The following IFT122 variants were observed in gnomAD, a reference collection of about 807,000 sequenced individuals.
The protein encoded by IFT122 is intraflagellar transport protein 122 homolog.
In IFT122, 118 loss-of-function variants were observed where a neutral mutation model predicts 161.6. The ratio of observed to expected loss-of-function variants is 0.73; its 90% CI spans 0.63 to 0.85. The LOEUF is 0.85. Ranked by LOEUF, IFT122 falls within the 40% of genes least tolerant of loss-of-function variation. IFT122 has a pLI of 0.00. For synonymous variants in IFT122, 550 were observed against 602.4 expected, an observed-to-expected ratio of 0.91 and a Z score of 1.27; for missense variants, 1,381 against 1,579.6, an observed-to-expected ratio of 0.87 and a Z score of 2.13.
intron 3 of IFT122, among the ~76,000 whole-genome samples, chr3:129,454,513 TTGTGTGTGTGTGTGTGTG>T (rs61557048): frequency 2.3e-5 from 3 of 131,224 alleles, no homozygotes; most frequent in Non-Finnish European, 4.8e-5. Context: ...GTAGTCATAT[TTGTGTGTGTGTGTGTGTG>T]TGTGTGTGTG....
chr3:129,455,300 G>A (rs556615115), intron 3 of IFT122, among the ~76,000 whole-genome samples: 97 of 152,094 alleles, frequency 6.4e-4, no homozygotes, highest in African/African-American at 2.2e-3. Flanking sequence ...AGCCTCCTGA[G>A]TAGCTGGGAC....
At position 129,519,626 on chromosome 3, in the gene IFT122, G is replaced by A; in HGVS notation, c.3530G>A (p.Ser1177Asn). The change falls in exon 29 of 30, where the codon AGC becomes AAC. Residue 1177 changes from serine (S) to asparagine (N), a missense_variant. This residue lies in a region of IFT122 where 177 missense variants were observed against 199.2 expected (regional missense o/e 0.89). Transcript: ENST00000348417. ...VVSRLVLRSM[S>N]RRDVLIKRWP... ...AGCCGGCTGGTGCTGCGCTCCATGAGCCGCCGGGATGTCCTCATCAAGCGA... is the reference window on the plus strand; with the variant it reads ...AGCCGGCTGGTGCTGCGCTCCATGAACCGCCGGGATGTCCTCATCAAGCGA... 2 of 1,613,496 alleles carry A rather than the reference G, an allele frequency of 1.2e-6. No individual in the cohort carries two copies. The highest frequency in any genetic ancestry group is 1.7e-6 in the Non-Finnish European group (2 of 1,180,018).
chr3:129,448,763 C>G (rs995718187), intron 1 of IFT122, among the ~76,000 whole-genome samples: 2 of 151,850 alleles, frequency 1.3e-5, no homozygotes, highest in African/African-American at 4.8e-5. Flanking sequence ...ATGATCTTGG[C>G]TCACTGCAAC....
intron 1 of IFT122, among the ~76,000 whole-genome samples, chr3:129,442,090 C>T (rs191415623): frequency 1.3e-5 from 2 of 152,168 alleles, no homozygotes; most frequent in East Asian, 3.9e-4. Flanking sequence ...ATGTTAGCAT[C>T]CACTCTGAAA....
chr3:129,487,988 T>C (rs2079516157), intron 15 of IFT122: 1 of 528,488 alleles, frequency 1.9e-6, no homozygotes, highest in Non-Finnish European at 3.5e-6. Flanking sequence ...TGACATCCTA[T>C]GGCGAGGCAG....
intron 16 of IFT122, 87 bp from the exon 17 acceptor site, chr3:129,492,050 CTAGA>C (rs2080180295): frequency 1.1e-6 from 1 of 929,186 alleles, no homozygotes; most frequent in African/African-American, 1.6e-5. Flanking sequence ...GGCTCACTGT[CTAGA>C]TAGAGCTTGA....
intron 15 of IFT122, among the ~76,000 whole-genome samples, chr3:129,485,231 G>C (rs1321278027): frequency 6.6e-6 from 1 of 152,168 alleles, no homozygotes. Context: ...GTCAAAGCAC[G>C]TGTACCTTTG....
intron 14 of IFT122, among the ~76,000 whole-genome samples, chr3:129,482,527 A>G (rs1299386180): frequency 6.6e-6 from 1 of 152,140 alleles, no homozygotes; most frequent in African/African-American, 2.4e-5. Flanking sequence ...CAGCAGCAGA[A>G]TCGATGGGGG....
intron 5 of IFT122, among the ~76,000 whole-genome samples, chr3:129,461,745 C>T (rs561777668): frequency 6.6e-6 from 1 of 152,286 alleles, no homozygotes; most frequent in South Asian, 2.1e-4. Flanking sequence ...TGCAATTTGT[C>T]GTCATTACTG....
At chr3:129,516,888 C>G (rs925671955) in intron 26 of IFT122, among the ~76,000 whole-genome samples, 1 of 138,718 alleles carries the variant, frequency 7.2e-6, no homozygotes, top group African/African-American at 2.7e-5. Flanking sequence ...ACAGACCGCT[C>G]CTGCACACAG....
intron 6 of IFT122, among the ~76,000 whole-genome samples, chr3:129,464,377 A>AG (rs149465667): frequency 0.01 from 1,592 of 152,278 alleles, 17 homozygotes; most frequent in African/African-American, 0.036. Context: ...GCTGTCATAG[A>AG]GGTATGTACA....
rs2076533419 is a variant in IFT122, at chr3:129,464,746, C to G, written c.528C>G (p.Leu176=). 6.2e-7 allele frequency: 1 copy of G among 1,614,008 alleles called. No individual in the cohort carries two copies. ...AGATCGAGCGGCCGGGGGGCTCCCT[C>G]TCGCCAATATGGTCCATCTGCTGGA... ...KVKIERPGGS[L]SPIWSICWNP... is the part of the protein sequence containing the mutation. The change falls in exon 7 of 30, where the codon CTC becomes CTG. Residue 176 remains leucine, a synonymous_variant. Coordinates refer to ENST00000348417, the MANE Select transcript of IFT122 (RefSeq NM_052989.3).
chr3:129,461,173 C>T, intron 4 of IFT122, 55 bp from the exon 5 acceptor site: 4 of 1,376,050 alleles, frequency 2.9e-6, no homozygotes, highest in Non-Finnish European at 4.2e-6. Flanking sequence ...TCAGTTGTAG[C>T]CACTGAAATC....
chr3:129,447,329 A>G (rs2074133732), intron 1 of IFT122, among the ~76,000 whole-genome samples: 1 of 152,144 alleles, frequency 6.6e-6, no homozygotes. Context: ...GACAACTCAA[A>G]GTGAGGGCTT....
In IFT122 at chr3:129,520,228, C is replaced by G; in HGVS notation, c.3689C>G (p.Pro1230Arg). The G allele has an allele frequency of 6.2e-7, 1 of 1,611,696 alleles. No homozygotes were observed. The highest frequency in any genetic ancestry group is 2.2e-5 in the East Asian group (1 of 44,886). Residue 1230 changes from proline to arginine, a missense_variant, in exon 30 of 30, where the codon CCC (proline) becomes CGC (arginine). Physicochemically the swap from Pro to Arg is moderately radical, Grantham distance 103. This residue lies in a region of IFT122 where 177 missense variants were observed against 199.2 expected (regional missense o/e 0.89). Transcript: ENST00000348417. ...ELLVLQHGCC[P>R]YCRRCKDDPG... ...CTGGTGCTTCAGCATGGCTGCTGCC[C>G]CTACTGCCGCAGGTGCAAGGATGAC...
intron 18 of IFT122, 83 bp from the exon 19 acceptor site, chr3:129,499,819 G>T (rs537899725): frequency 1.9e-6 from 3 of 1,554,304 alleles, no homozygotes; most frequent in South Asian, 2.2e-5. Context: ...TGTGGAGCCC[G>T]CCCTTGCTGC....
At chr3:129,513,459 A>G (rs2083078790) in intron 24 of IFT122, 1 of 152,322 alleles carries the variant, frequency 6.6e-6, no homozygotes, top group African/African-American at 2.4e-5. Context: ...CCTCAAATCA[A>G]GGGGTGCCTT....
intron 2 of IFT122, among the ~76,000 whole-genome samples, chr3:129,450,872 CG>C (rs1295514502): frequency 6.6e-6 from 1 of 151,798 alleles, no homozygotes; most frequent in Non-Finnish European, 1.5e-5. Flanking sequence ...AGGCGCCTGC[CG>C]CTACGCTCAG....
intron 20 of IFT122, chr3:129,503,870 G>A (rs2081904655): frequency 7.9e-6 from 2 of 253,588 alleles, no homozygotes; most frequent in South Asian, 9.0e-5. Context: ...GTGGTTCTGG[G>A]GCTTAGGTGA....
Sources: gnomAD v4.1 joint callset for allele counts (sites outside exome capture counted in the v4.1 genomes callset) on GRCh38, gnomAD v4.1.1 for gene constraint, gnomAD v4.1.1 regional missense constraint, MANE v1.5 for transcripts, NCBI Gene and HGNC (gene_info 2026-07-23, HGNC 2026-07-21) for gene names.